Variants in TRIO observed in about 807,000 individuals in gnomAD.
TRIO encodes the protein trio Rho guanine nucleotide exchange factor.
Under a neutral mutation model 351.9 loss-of-function variants are expected in TRIO, and 58 were observed. The ratio of observed to expected loss-of-function variants is 0.16; its 90% CI spans 0.13 to 0.21. The LOEUF (loss-of-function observed/expected upper bound fraction) is 0.21. TRIO is among the 10% of genes least tolerant of loss of function. TRIO has a pLI of 1.00. For synonymous variants in TRIO, 1,758 were observed against 1,595.7 expected (o/e 1.10, Z -2.42); for missense variants, 3,201 against 4,027.8 (o/e 0.79, Z 5.56).
At chr5:14,405,642 C>G (rs945551544) in intron 31 of TRIO, among the ~76,000 whole-genome samples, 1 of 152,006 alleles carries the variant, frequency 6.6e-6, no homozygotes, top group Non-Finnish European at 1.5e-5. Flanking sequence ...AATATACGTG[C>G]TATAAAACAA....
chr5:14,422,762 A>G (rs1329723623), intron 34 of TRIO, among the ~76,000 whole-genome samples: 1 of 152,210 alleles, frequency 6.6e-6, no homozygotes, highest in Admixed American at 6.5e-5. Context: ...CAATTACACA[A>G]TTTGTTTTTC....
chr5:14,380,673 G>C (rs1463816786), intron 20 of TRIO, among the ~76,000 whole-genome samples: 1 of 152,116 alleles, frequency 6.6e-6, no homozygotes, highest in Non-Finnish European at 1.5e-5. Context: ...GTTCCTCAAA[G>C]ATCTAGAACC....
chr5:14,225,286 G>T (rs1792920032), intron 1 of TRIO, among the ~76,000 whole-genome samples: 2 of 152,182 alleles, frequency 1.3e-5, no homozygotes, highest in Non-Finnish European at 2.9e-5. Context: ...AGTTAAATCT[G>T]TGGAACCCGA....
intron 43 of TRIO, 128 bp from the exon 44 acceptor site, chr5:14,481,106 A>G: frequency 2.2e-6 from 2 of 925,706 alleles, no homozygotes; most frequent in Non-Finnish European, 3.2e-6. Context: ...CAAGAGGATC[A>G]CTTGAGGCCA....
intron 1 of TRIO, among the ~76,000 whole-genome samples, chr5:14,179,028 G>T (rs1054931775): frequency 1.3e-5 from 2 of 152,208 alleles, no homozygotes; most frequent in African/African-American, 2.4e-5. Flanking sequence ...GGGGGTCTTT[G>T]TACTCCCCCC....
At chr5:14,398,765 C>T (rs1747824115) in intron 29 of TRIO, 115 bp from the exon 30 acceptor site, 3 of 989,180 alleles carry the variant, frequency 3.0e-6, no homozygotes, top group Non-Finnish European at 3.0e-6. Flanking sequence ...AAACTCTTAT[C>T]TAGGGTTGGC....
rs1424966434 is a variant in TRIO, at chr5:14,216,245, C to G, written c.158-54580C>G. ...CTGCCCATAGCACTAGCTTTTTGAT[C>G]TGGAAATGCTGCAGATTCTGTTTTC... On this transcript the variant is annotated intron_variant, in intron 1 of 56. Coordinates refer to ENST00000344204, the MANE Select transcript of TRIO (RefSeq NM_007118.4). Among the ~76,000 whole-genome samples, 10 of 152,118 alleles carry G rather than the reference C, an allele frequency of 6.6e-5. 1 individual carries two copies. Among genetic ancestry groups the G allele is most frequent in the Admixed American group, 5.9e-4 (9 of 15,282 alleles).
chr5:14,329,687 T>C (rs550398485), intron 9 of TRIO, among the ~76,000 whole-genome samples: 12 of 152,370 alleles, frequency 7.9e-5, no homozygotes, highest in Admixed American at 5.2e-4. Flanking sequence ...TTAACAAATA[T>C]GTTTAAATAT....
At chr5:14,391,771 C>T (rs1579515808) in intron 27 of TRIO, among the ~76,000 whole-genome samples, 2 of 152,332 alleles carry the variant, frequency 1.3e-5, no homozygotes, top group East Asian at 1.9e-4. Context: ...CTGGTGGGAT[C>T]ATCAGCTCTT....
Position 14,286,085 on chromosome 5 carries a change from T to C in TRIO, c.348-786T>C, listed in dbSNP as rs924232234. The stretch of plus-strand genomic sequence containing the variant: ...GTTGAGATTTAATACAATTAGAAGC[T>C]GGCACTTTTTTTTTTTAAGTGCAAT... On this transcript the variant is annotated intron_variant, in intron 3 of 56. Transcript: ENST00000344204. This position sits in a 1 kb window ranked among gnomAD's most constrained non-coding sequence, Gnocchi z 4.4. Among the ~76,000 whole-genome samples the C allele has an allele frequency of 6.6e-6, 1 of 152,182 alleles. No individual in the cohort carries two copies. Among genetic ancestry groups the C allele is most frequent in the African/African-American group, 2.4e-5 (1 of 41,448 alleles).
intron 33 of TRIO, among the ~76,000 whole-genome samples, chr5:14,409,569 T>G (rs547859961): frequency 1.8e-4 from 27 of 151,812 alleles, no homozygotes; most frequent in African/African-American, 6.5e-4. Context: ...ACGCGGTGGC[T>G]CACGCCTGTA....
At chr5:14,340,224 G>A (rs1439209127) in intron 11 of TRIO, among the ~76,000 whole-genome samples, 2 of 151,850 alleles carry the variant, frequency 1.3e-5, no homozygotes, top group African/African-American at 2.4e-5. Context: ...GTGAAACCCC[G>A]TCTCTACTAA....
chr5:14,316,500 C>G lies in TRIO; in HGVS notation c.1501-13C>G, dbSNP rs1561330686. The G allele has an allele frequency of 6.2e-7, 1 of 1,613,370 alleles. No homozygotes were observed. Among genetic ancestry groups the G allele is most frequent in the Non-Finnish European group, 8.5e-7 (1 of 1,179,806 alleles). On this transcript the variant is annotated splice_polypyrimidine_tract_variant and intron_variant, in intron 8 of 56. Coordinates refer to ENST00000344204, the MANE Select transcript of TRIO (RefSeq NM_007118.4). ...TCAGATCGTGAAGAATCACTCATTT[C>G]TTTTGTGGGCAGGTCAGCCAAGATG...
At chr5:14,380,760 A>T (rs1393375822) in intron 20 of TRIO, among the ~76,000 whole-genome samples, 1 of 152,174 alleles carries the variant, frequency 6.6e-6, no homozygotes, top group Non-Finnish European at 1.5e-5. Flanking sequence ...CTATAAACTC[A>T]TGCACACGTA....
intron 11 of TRIO, among the ~76,000 whole-genome samples, chr5:14,350,191 G>A (rs1012303567): frequency 1.1e-4 from 16 of 152,286 alleles, no homozygotes; most frequent in African/African-American, 3.9e-4. Flanking sequence ...AGGAAAGGCA[G>A]GCAGGCTGTG....
intron 33 of TRIO, among the ~76,000 whole-genome samples, chr5:14,418,603 G>A (rs968439583): frequency 6.6e-6 from 1 of 152,172 alleles, no homozygotes; most frequent in African/African-American, 2.4e-5. Context: ...TCATGTCCCA[G>A]ACTCTGCATT....
chr5:14,508,231 C>G lies in TRIO; in HGVS notation c.9103C>G (p.Pro3035Ala), dbSNP rs944561153. ...EFVCFLLQED[P>A]AKRPSAALAL... ...CGTGTGCTTCCTCCTGCAGGAGGACCCCGCCAAGCGTCCCTCGGCTGCGCT... is the reference window on the plus strand; with the variant it reads ...CGTGTGCTTCCTCCTGCAGGAGGACGCCGCCAAGCGTCCCTCGGCTGCGCT... Residue 3035 changes from proline (P) to alanine (A), a missense_variant, in exon 57 of 57, where the codon CCC becomes GCC. Around this residue, in one of 19 missense-constraint regions of TRIO, gnomAD observed 233 missense variants for 292.6 expected, o/e 0.80. Transcript: ENST00000344204. The G allele has an allele frequency of 6.2e-7, 1 of 1,613,942 alleles. No homozygotes were observed. Among genetic ancestry groups the G allele is most frequent in the African/African-American group, 1.3e-5 (1 of 74,928 alleles).
At chr5:14,338,281 C>T (rs1019180272) in intron 11 of TRIO, among the ~76,000 whole-genome samples, 3 of 152,190 alleles carry the variant, frequency 2.0e-5, no homozygotes, top group Non-Finnish European at 4.4e-5. Flanking sequence ...ATGTGGGGAG[C>T]AGCCTGATAC....
intron 1 of TRIO, among the ~76,000 whole-genome samples, chr5:14,189,100 A>G (rs753234511): frequency 6.6e-6 from 1 of 152,328 alleles, no homozygotes; most frequent in East Asian, 1.9e-4. Context: ...GCGTTAAGGA[A>G]TCACATTGCT....
Sources: gnomAD v4.1 joint callset for allele counts (sites outside exome capture counted in the v4.1 genomes callset) on GRCh38, gnomAD v4.1.1 for gene constraint, gnomAD v4.1.1 regional missense constraint, Gnocchi (gnomAD v3.1) non-coding constraint, MANE v1.5 for transcripts, NCBI Gene and HGNC (gene_info 2026-07-23, HGNC 2026-07-21) for gene names.